TFG: variants seen among roughly 807,000 people sequenced by gnomAD.
TFG encodes the protein trafficking from ER to golgi regulator, also known as protein TFG.
TFG carries 22 observed loss-of-function variants against 51.4 expected under a neutral mutation model. The ratio of observed to expected loss-of-function variants is 0.43; its 90% CI spans 0.31 to 0.61. TFG has a LOEUF of 0.61. Among genes scored for constraint, TFG ranks in the 20% least tolerant of loss-of-function variants. The probability of loss-of-function intolerance (pLI) is 0.12; values close to 1 mark genes in which losing one functional copy is unlikely to be tolerated. For missense variants in TFG, 419 were observed against 487.7 expected (o/e 0.86, Z 1.33); for synonymous variants, 187 against 165.6 (o/e 1.13, Z -0.99).
chr3:100,746,908 G>C (rs907153752), intron 7 of TFG, among the ~76,000 whole-genome samples: 4 of 152,190 alleles, frequency 2.6e-5, no homozygotes, highest in African/African-American at 9.6e-5. Flanking sequence ...GTAGAGGATA[G>C]GAGAACTTGT....
At chr3:100,742,978 T>C (rs1334024659) in intron 6 of TFG, 1 of 152,210 alleles carries the variant, frequency 6.6e-6, no homozygotes, top group Admixed American at 6.5e-5. Flanking sequence ...TCCTTACTCA[T>C]TGATGACCAC....
chr3:100,733,185 A>T (rs1377004272), intron 5 of TFG, among the ~76,000 whole-genome samples: 1 of 152,072 alleles, frequency 6.6e-6, no homozygotes, highest in Non-Finnish European at 1.5e-5. Context: ...TTTTGGTTAT[A>T]ATTTCTTCAT....
At chr3:100,725,494 T>C (rs2095072610) in intron 3 of TFG, among the ~76,000 whole-genome samples, 1 of 151,526 alleles carries the variant, frequency 6.6e-6, no homozygotes, top group Admixed American at 6.6e-5. Flanking sequence ...AATACTAAGA[T>C]TTGGCCAGGT....
chr3:100,747,502 T>A (rs901644138), intron 7 of TFG: 3 of 152,530 alleles, frequency 2.0e-5, no homozygotes, highest in African/African-American at 7.2e-5. Context: ...CAGACTTTCG[T>A]TGTAAAAAAA....
intron 2 of TFG, among the ~76,000 whole-genome samples, chr3:100,716,885 C>A (rs1470537565): frequency 6.6e-6 from 1 of 151,936 alleles, no homozygotes. Flanking sequence ...ATTTTAAAAT[C>A]GGATTGATTG....
upstream of TFG, chr3:100,709,297 G>GC (rs975537926): frequency 3.9e-5 from 6 of 152,250 alleles, no homozygotes; most frequent in African/African-American, 9.6e-5. Context: ...GCGTGGTCAC[G>GC]CCCCGCGCAT....
intron 3 of TFG, among the ~76,000 whole-genome samples, chr3:100,723,590 A>G (rs1490515463): frequency 4.6e-5 from 7 of 152,192 alleles, no homozygotes; most frequent in Admixed American, 4.6e-4. Flanking sequence ...CTGGTTATTA[A>G]CAGAATAGAC....
At chr3:100,723,769 G>A (rs9866866) in intron 3 of TFG, among the ~76,000 whole-genome samples, 4,529 of 151,174 alleles carry the variant, frequency 0.03, 183 homozygotes, top group African/African-American at 0.092. Flanking sequence ...TGGGAGAGCC[G>A]ATAAATCAAG....
At chr3:100,715,219 T>A (rs955460728) in intron 2 of TFG, among the ~76,000 whole-genome samples, 13 of 152,210 alleles carry the variant, frequency 8.5e-5, no homozygotes, top group African/African-American at 2.9e-4. Flanking sequence ...GGTTTAATAG[T>A]TGAGAAATCT....
At position 100,748,488 on chromosome 3, in the gene TFG, C is replaced by T; in HGVS notation, c.1160C>T (p.Pro387Leu). ...AATCCTTATGCGCGTAACCGTCCTC[C>T]CTTTGGTCAGGGCTATACCCAACCT... ...GPNPYARNRP[P>L]FGQGYTQPGP... The change falls in exon 8 of 8, where the codon CCC (proline) becomes CTC (leucine). Residue 387 changes from proline (P) to leucine (L), a missense_variant. Pro to Leu is a moderately conservative substitution (Grantham distance 98, BLOSUM62 -3). Around this residue, in one of 3 missense-constraint regions of TFG, gnomAD observed 391 missense variants for 434.4 expected, o/e 0.90. Transcript: ENST00000240851. 1 of 1,614,036 alleles carries T rather than the reference C, an allele frequency of 6.2e-7. No homozygotes were observed. The highest frequency in any genetic ancestry group is 8.5e-7 in the Non-Finnish European group (1 of 1,179,964).
intron 3 of TFG, among the ~76,000 whole-genome samples, chr3:100,723,232 GA>G (rs1464496980): frequency 1.3e-5 from 2 of 152,080 alleles, no homozygotes; most frequent in African/African-American, 2.4e-5. Flanking sequence ...ATTACCTTTA[GA>G]TTTTTTTAAT....
At chr3:100,728,968 T>G in intron 4 of TFG, 110 bp downstream of exon 4, 2 of 935,678 alleles carry the variant, frequency 2.1e-6, no homozygotes, top group Non-Finnish European at 3.1e-6. Flanking sequence ...GTCACTCTTG[T>G]TTCTTCCTCT....
intron 1 of TFG, among the ~76,000 whole-genome samples, chr3:100,710,451 C>T (rs2095027404): frequency 6.6e-6 from 1 of 152,194 alleles, no homozygotes; most frequent in African/African-American, 2.4e-5. Flanking sequence ...TGCTGCACTG[C>T]CTTTGAGGCA....
chr3:100,748,210 A>C lies in TFG; in HGVS notation c.882A>C (p.Gln294His), dbSNP rs751393611. The change falls in exon 8 of 8, where the codon CAA becomes CAC. Residue 294 changes from glutamine to histidine, a missense_variant. Coordinates refer to ENST00000240851, the MANE Select transcript of TFG (RefSeq NM_006070.6). ...AGCAGTTCCAGGGATATGGCCAGCA[A>C]CCAACTTCCCAGGCACCAGCTCCTG... ...QPQQFQGYGQ[Q>H]PTSQAPAPAF... 7.4e-6 allele frequency: 12 copies of C among 1,614,024 alleles called. No homozygotes were observed. In the East Asian group the frequency reaches 1.6e-4, roughly 21 times the overall value.
chr3:100,738,389 G>T (rs2095112453), intron 6 of TFG, among the ~76,000 whole-genome samples: 1 of 152,174 alleles, frequency 6.6e-6, no homozygotes, highest in African/African-American at 2.4e-5. Context: ...TTTAAGCAGT[G>T]TATACTGTGA....
chr3:100,731,101 T>C (rs1559715356), intron 4 of TFG, among the ~76,000 whole-genome samples: 1 of 152,342 alleles, frequency 6.6e-6, no homozygotes, highest in East Asian at 1.9e-4. Flanking sequence ...ATATTCGGTT[T>C]AGCACTTAAC....
At chr3:100,747,646 A>G (rs2095143465) in intron 7 of TFG, among the ~76,000 whole-genome samples, 2 of 152,332 alleles carry the variant, frequency 1.3e-5, no homozygotes, top group Non-Finnish European at 2.9e-5. Flanking sequence ...TACCAAATCT[A>G]AAAGGAATGA....
intron 5 of TFG, 63 bp downstream of exon 5, chr3:100,732,735 CTTCT>C (rs1308922229): frequency 1.3e-5 from 18 of 1,362,784 alleles, no homozygotes; most frequent in Non-Finnish European, 1.7e-5. Context: ...CTTCCCTTTC[CTTCT>C]TTCTTTAATT....
chr3:100,728,673 G>A, intron 3 of TFG, 39 bp from the exon 4 acceptor site: 1 of 1,516,004 alleles, frequency 6.6e-7, no homozygotes. Context: ...ACTTATTCAT[G>A]AACTTCTAAT....
Sources: gnomAD v4.1 joint callset for allele counts (sites outside exome capture counted in the v4.1 genomes callset) on GRCh38, gnomAD v4.1.1 for gene constraint, gnomAD v4.1.1 regional missense constraint, MANE v1.5 for transcripts, NCBI Gene and HGNC (gene_info 2026-07-23, HGNC 2026-07-21) for gene names.